IDE: variants seen among roughly 807,000 people sequenced by gnomAD.
IDE encodes insulin-degrading enzyme.
Under a neutral mutation model 133.2 loss-of-function variants are expected in IDE, and 58 were observed. That is an observed-to-expected ratio of 0.44 (90% CI 0.35 to 0.54). IDE has a LOEUF of 0.54. Among genes scored for constraint, IDE ranks in the 20% least tolerant of loss-of-function variants. IDE has a pLI of 0.00. For missense variants in IDE, 981 were observed against 1,234.0 expected (o/e 0.79, Z 3.07); for synonymous variants, 396 against 421.3 (o/e 0.94, Z 0.73).
intron 12 of IDE, among the ~76,000 whole-genome samples, chr10:92,488,932 TAAAAAAAA>T (rs56377277): frequency 6.3e-5 from 5 of 78,970 alleles, no homozygotes; most frequent in South Asian, 5.9e-4. Context: ...TTTCATTATT[TAAAAAAAA>T]AAAAAAAAAA....
At chr10:92,488,165 C>T (rs533446850) in intron 12 of IDE, among the ~76,000 whole-genome samples, 3 of 152,008 alleles carry the variant, frequency 2.0e-5, no homozygotes, top group South Asian at 2.1e-4. Flanking sequence ...AATGCAGCAG[C>T]GTGATCTCCA....
chr10:92,567,120 A>T (rs1411628224), intron 1 of IDE, among the ~76,000 whole-genome samples: 1 of 152,088 alleles, frequency 6.6e-6, no homozygotes, highest in African/African-American at 2.4e-5. Context: ...ACCCTACGGG[A>T]CCTGAGGGTA....
At chr10:92,531,655 T>C (rs1849931264) in intron 4 of IDE, 93 bp downstream of exon 4, 2 of 478,852 alleles carry the variant, frequency 4.2e-6, no homozygotes, top group Admixed American at 4.7e-5. Context: ...TACATAAATA[T>C]ATACATAAAT....
chr10:92,558,101 G>A (rs1441514900), intron 1 of IDE, among the ~76,000 whole-genome samples: 2 of 152,180 alleles, frequency 1.3e-5, no homozygotes, highest in Non-Finnish European at 2.9e-5. Flanking sequence ...TGCCCAGGCT[G>A]GAGTGCAAAG....
At chr10:92,543,634 C>A (rs1011368984) in intron 1 of IDE, among the ~76,000 whole-genome samples, 1 of 152,150 alleles carries the variant, frequency 6.6e-6, no homozygotes, top group African/African-American at 2.4e-5. Context: ...AACAAATAAA[C>A]CCTTAAATGA....
chr10:92,551,205 A>T (rs1023729784), intron 1 of IDE, among the ~76,000 whole-genome samples: 2 of 152,234 alleles, frequency 1.3e-5, no homozygotes, highest in African/African-American at 4.8e-5. Flanking sequence ...TTATACAATA[A>T]AATTTATTCA....
chr10:92,456,339 A>C lies in IDE; in HGVS notation c.2896+20T>G. On this transcript the variant is annotated intron_variant, in intron 23 of 24. Transcript: ENST00000265986. ...CAGATGGCTCAACATGAGCCTAAAAAGGCAACATTTGATACTTACAAGAAT... is the reference window on the plus strand; with the variant it reads ...CAGATGGCTCAACATGAGCCTAAAACGGCAACATTTGATACTTACAAGAAT... 1 of 1,589,162 alleles carries C rather than the reference A, an allele frequency of 6.3e-7. No individual in the cohort carries two copies. The highest frequency in any genetic ancestry group is 1.1e-5 in the South Asian group (1 of 90,594).
intron 3 of IDE, among the ~76,000 whole-genome samples, chr10:92,533,494 G>A (rs537417795): frequency 2.0e-5 from 3 of 152,156 alleles, no homozygotes; most frequent in Admixed American, 1.3e-4. Flanking sequence ...AAAGCCGACA[G>A]TGACTAAAAC....
At chr10:92,507,331 A>G (rs778985668) in intron 9 of IDE, among the ~76,000 whole-genome samples, 1 of 152,028 alleles carries the variant, frequency 6.6e-6, no homozygotes, top group Non-Finnish European at 1.5e-5. Context: ...AAAGCATTTG[A>G]TTTCTTCCCT....
intron 15 of IDE, among the ~76,000 whole-genome samples, chr10:92,477,306 C>A (rs1436607528): frequency 6.6e-6 from 1 of 151,862 alleles, no homozygotes; most frequent in Non-Finnish European, 1.5e-5. Context: ...TACACACCAC[C>A]ATGTCTGGCT....
At chr10:92,533,884 G>A (rs979459765) in intron 3 of IDE, among the ~76,000 whole-genome samples, 4 of 152,050 alleles carry the variant, frequency 2.6e-5, no homozygotes, top group Middle Eastern at 3.2e-3. Context: ...TTAGCCAGGC[G>A]TGGTGGCACA....
intron 11 of IDE, among the ~76,000 whole-genome samples, chr10:92,497,495 T>C (rs986325634): frequency 6.6e-6 from 1 of 152,230 alleles, no homozygotes; most frequent in Non-Finnish European, 1.5e-5. Context: ...GATTTTGATA[T>C]CCATGGGGGT....
In IDE at chr10:92,453,936, A is replaced by G. The variant is rs1277843232; in HGVS notation, c.*508T>C. On this transcript the variant is annotated 3_prime_UTR_variant, in exon 25 of 25. Coordinates refer to ENST00000265986, the MANE Select transcript of IDE (RefSeq NM_004969.4). The stretch of plus-strand genomic sequence containing the variant: ...ATAACCAGCATTTCACTAATAAAAG[A>G]TGACATTGCTTTATCATCTGCCAAA... The G allele has an allele frequency of 6.6e-6, 1 of 152,322 alleles. No individual in the cohort carries two copies. The highest frequency in any genetic ancestry group is 2.4e-5 in the African/African-American group (1 of 41,460). 9.4% of individuals were successfully genotyped at this position (152,322 alleles called of 1,614,324 possible).
chr10:92,484,839 G>A (rs1846871892), intron 13 of IDE, among the ~76,000 whole-genome samples: 1 of 152,062 alleles, frequency 6.6e-6, no homozygotes, highest in Non-Finnish European at 1.5e-5. Flanking sequence ...AGGATCGCTT[G>A]AGCCTAGGAG....
At chr10:92,571,437 T>C (rs1240924796) in intron 1 of IDE, among the ~76,000 whole-genome samples, 1 of 152,328 alleles carries the variant, frequency 6.6e-6, no homozygotes, top group East Asian at 1.9e-4. Context: ...AAAGCTTGAA[T>C]GTTGATAGTC....
intron 15 of IDE, among the ~76,000 whole-genome samples, 187 bp downstream of exon 15, chr10:92,479,090 A>G (rs1474427466): frequency 6.6e-6 from 1 of 152,208 alleles, no homozygotes; most frequent in Non-Finnish European, 1.5e-5. Flanking sequence ...AAATTTGCAT[A>G]ATATGAATGG....
chr10:92,479,610 AGT>A (rs3831274), intron 14 of IDE, 189 bp from the exon 15 acceptor site: 143,348 of 454,762 alleles, frequency 0.32, 16,677 homozygotes, highest in East Asian at 0.55. Flanking sequence ...AGTGTGTGTG[AGT>A]GTGTGTGTGT....
chr10:92,473,009 C>T (rs1301625831), intron 17 of IDE, among the ~76,000 whole-genome samples: 1 of 148,330 alleles, frequency 6.7e-6, no homozygotes, highest in East Asian at 2.0e-4. Context: ...GTGGCATTAT[C>T]TCGGCTCACT....
intron 20 of IDE, among the ~76,000 whole-genome samples, chr10:92,464,860 G>A (rs1245746420): frequency 6.6e-6 from 1 of 152,160 alleles, no homozygotes; most frequent in Non-Finnish European, 1.5e-5. Flanking sequence ...AGTAAAGATG[G>A]GGTCTCACCA....
Sources: allele counts gnomAD v4.1 joint callset (sites outside exome capture counted in the v4.1 genomes callset), GRCh38; gene constraint gnomAD v4.1.1; transcripts MANE v1.5; gene names NCBI Gene and HGNC (gene_info 2026-07-23, HGNC 2026-07-21).